TTC39B: variants seen among roughly 807,000 people sequenced by gnomAD.
TTC39B encodes the protein tetratricopeptide repeat domain 39B.
A neutral mutation model predicts 96.6 loss-of-function variants in TTC39B; 92 were observed. The ratio of observed to expected loss-of-function variants is 0.95; its 90% CI spans 0.80 to 1.13. The LOEUF is 1.13. Among genes scored for constraint, TTC39B ranks in the 50% most tolerant of loss-of-function variants. The pLI is 0.00. For synonymous variants in TTC39B, 367 were observed against 299.4 expected (o/e 1.23, Z -2.33); for missense variants, 955 against 809.3 (o/e 1.18, Z -2.18).
intron 2 of TTC39B, among the ~76,000 whole-genome samples, chr9:15,251,553 C>T (rs1479573854): frequency 1.3e-5 from 2 of 151,558 alleles, no homozygotes; most frequent in Non-Finnish European, 2.9e-5. Context: ...AAGAGCAAAA[C>T]TCCATCTCAA....
intron 1 of TTC39B, among the ~76,000 whole-genome samples, chr9:15,268,515 C>A (rs911931734): frequency 6.6e-6 from 1 of 152,174 alleles, no homozygotes; most frequent in Non-Finnish European, 1.5e-5. Context: ...AGACCACACA[C>A]ACACTCCACA....
At chr9:15,195,670 CAAAAAAA>C (rs35318510) in intron 8 of TTC39B, among the ~76,000 whole-genome samples, 16 of 66,318 alleles carry the variant, frequency 2.4e-4, no homozygotes, top group Non-Finnish European at 3.6e-4. Flanking sequence ...ACTCCATCTC[CAAAAAAA>C]AAAAAAAAAA....
chr9:15,190,120 T>G (rs909347257), intron 11 of TTC39B, among the ~76,000 whole-genome samples: 14 of 152,104 alleles, frequency 9.2e-5, no homozygotes, highest in Admixed American at 5.9e-4. Context: ...TATGATAAAA[T>G]AGATCACCTT....
intron 2 of TTC39B, chr9:15,250,326 G>T: frequency 1.8e-6 from 1 of 540,960 alleles, no homozygotes; most frequent in Non-Finnish European, 2.4e-6. Context: ...ACATACAAAT[G>T]GCCTGGATTT....
chr9:15,288,223 A>G (rs897218628), intron 1 of TTC39B, among the ~76,000 whole-genome samples: 3 of 152,188 alleles, frequency 2.0e-5, no homozygotes, highest in African/African-American at 7.2e-5. Flanking sequence ...TGGATAGAAG[A>G]GAGCAGTTCC....
At chr9:15,170,580 T>C (rs968089246) in exon 20 of TTC39B, 87 of 152,164 alleles carry the variant, frequency 5.7e-4, no homozygotes, top group Non-Finnish European at 8.8e-5. Flanking sequence ...GTGGGGCAAC[T>C]GAACCCCTGA....
exon 15 of TTC39B, chr9:15,187,013 G>C: frequency 1.9e-6 from 3 of 1,613,014 alleles, no homozygotes; most frequent in Non-Finnish European, 2.5e-6. Context: ...CAAAATTGCT[G>C]CTTTCAAGAA....
intron 1 of TTC39B, among the ~76,000 whole-genome samples, chr9:15,294,633 C>CAGGAA (rs113004601): frequency 0.022 from 3,286 of 152,238 alleles, 125 homozygotes; most frequent in African/African-American, 0.074. Flanking sequence ...CCCTCCCACT[C>CAGGAA]AGGAAAGGAA....
At chr9:15,196,523 G>T (rs1368087577) in intron 8 of TTC39B, among the ~76,000 whole-genome samples, 1 of 152,186 alleles carries the variant, frequency 6.6e-6, no homozygotes, top group Non-Finnish European at 1.5e-5. Context: ...AACTACAGAG[G>T]TGTTAGAAAC....
At chr9:15,223,494 G>T (rs1405598438) in intron 3 of TTC39B, among the ~76,000 whole-genome samples, 1 of 152,188 alleles carries the variant, frequency 6.6e-6, no homozygotes, top group Non-Finnish European at 1.5e-5. Context: ...GAAGCAAATA[G>T]CTAGTTGTGG....
intron 1 of TTC39B, among the ~76,000 whole-genome samples, chr9:15,293,646 C>A (rs1180177717): frequency 6.6e-6 from 1 of 152,184 alleles, no homozygotes; most frequent in East Asian, 1.9e-4. Flanking sequence ...TTTCTATGCA[C>A]ACTAAAATAT....
intron 8 of TTC39B, among the ~76,000 whole-genome samples, chr9:15,194,958 G>A (rs1398569967): frequency 2.0e-5 from 3 of 152,322 alleles, no homozygotes; most frequent in African/African-American, 7.2e-5. Context: ...GCCTCTCAGT[G>A]TTCAAGCGAA....
At chr9:15,281,292 G>C (rs1011353224) in intron 1 of TTC39B, among the ~76,000 whole-genome samples, 1 of 152,064 alleles carries the variant, frequency 6.6e-6, no homozygotes, top group African/African-American at 2.4e-5. Context: ...AAACTCATGG[G>C]GTTGAAGAAT....
chr9:15,258,641 T>C (rs75929528), intron 2 of TTC39B, among the ~76,000 whole-genome samples: 8,219 of 152,230 alleles, frequency 0.054, 339 homozygotes, highest in Non-Finnish European at 0.079. Context: ...AAGCTGAGCA[T>C]TGCTACCAGG....
intron 2 of TTC39B, among the ~76,000 whole-genome samples, chr9:15,234,419 C>T (rs1341918056): frequency 6.8e-6 from 1 of 147,724 alleles, no homozygotes; most frequent in Non-Finnish European, 1.5e-5. Flanking sequence ...GGGGTCAGCC[C>T]CCCGCCCGGC....
At chr9:15,189,632 C>G in exon 13 of TTC39B, 3 of 1,614,076 alleles carry the variant, frequency 1.9e-6, no homozygotes, top group Non-Finnish European at 2.5e-6. Flanking sequence ...CACGAGTGAG[C>G]CCTGCAGAGC....
At chr9:15,190,513 G>C (rs1276414570) in intron 11 of TTC39B, 41 bp downstream of exon 11, 1 of 1,568,972 alleles carries the variant, frequency 6.4e-7, no homozygotes, top group South Asian at 1.1e-5. Context: ...GTCTGGCCAA[G>C]ACAATCAATG....
intron 2 of TTC39B, among the ~76,000 whole-genome samples, chr9:15,234,883 C>A (rs918398190): frequency 1.3e-5 from 2 of 152,070 alleles, no homozygotes; most frequent in African/African-American, 4.8e-5. Flanking sequence ...CCCAGGGACA[C>A]AAACACTGCG....
At chr9:15,294,747 A>G (rs1447885152) in intron 1 of TTC39B, among the ~76,000 whole-genome samples, 1 of 152,212 alleles carries the variant, frequency 6.6e-6, no homozygotes, top group Non-Finnish European at 1.5e-5. Flanking sequence ...TCACAGAGGA[A>G]GGTTTTTCTG....
Sources: allele counts gnomAD v4.1 joint callset (sites outside exome capture counted in the v4.1 genomes callset), GRCh38; gene constraint gnomAD v4.1.1; transcripts MANE v1.5; gene names NCBI Gene and HGNC (gene_info 2026-07-23, HGNC 2026-07-21).